Variants in ZFYVE28 observed in about 807,000 individuals in gnomAD.
ZFYVE28 encodes lateral signaling target protein 2 homolog.
A neutral mutation model predicts 82.1 loss-of-function variants in ZFYVE28; 40 were observed. The observed-to-expected ratio is 0.49, with a 90% CI of 0.38 to 0.63. The LOEUF (loss-of-function observed/expected upper bound fraction) is 0.63. Among genes scored for constraint, ZFYVE28 ranks in the 30% least tolerant of loss-of-function variants. ZFYVE28 has a pLI of 0.00. For synonymous variants in ZFYVE28, 612 were observed against 546.1 expected (o/e 1.12, Z -1.68); for missense variants, 1,321 against 1,242.1 (o/e 1.06, Z -0.96).
chr4:2,384,982 G>A (rs1729100999), intron 1 of ZFYVE28, among the ~76,000 whole-genome samples: 2 of 151,972 alleles, frequency 1.3e-5, no homozygotes, highest in African/African-American at 4.8e-5. Context: ...CACCAATCCT[G>A]TACACCCTCA....
intron 8 of ZFYVE28, among the ~76,000 whole-genome samples, chr4:2,302,830 C>T (rs192427789): frequency 9.9e-5 from 15 of 152,238 alleles, no homozygotes; most frequent in Non-Finnish European, 1.3e-4. Context: ...CCCTTACAGA[C>T]GTTACGTCTG....
Position 2,405,260 on chromosome 4 carries a change from G to C in ZFYVE28, c.39+13025C>G, listed in dbSNP as rs1415879026. ...ACTCCAAGCGGCACCGCGAAGGGAA[G>C]ATGGGGTGCACCGCCACCTGCTTTT... On this transcript the variant is annotated intron_variant, in intron 1 of 12. Coordinates refer to ENST00000290974, the MANE Select transcript of ZFYVE28 (RefSeq NM_020972.3). Among the ~76,000 whole-genome samples the C allele has an allele frequency of 2.0e-5, 3 of 152,220 alleles. No homozygotes were observed. The East Asian group carries it at 5.8e-4, about 29-fold the overall frequency.
In ZFYVE28 at chr4:2,335,688, G is replaced by A. The variant is rs574733984; in HGVS notation, c.701+17C>T. ...CCGCAGGTTTCTGCAGAGGTCCTGG[G>A]CACAGGAGGCACTCACCACACGATG... On this transcript the variant is annotated intron_variant, in intron 6 of 12. Transcript: ENST00000290974. The surrounding 1 kb of genome is among the most constrained non-coding windows in gnomAD (Gnocchi z 5.8). 15 of 1,563,188 alleles carry A rather than the reference G, an allele frequency of 9.6e-6. No homozygotes were observed. In the Admixed American group the frequency reaches 1.5e-4, roughly 16 times the overall value.
chr4:2,308,608 G>GAAAGAAAGAAGAC (rs1578016832), intron 7 of ZFYVE28, among the ~76,000 whole-genome samples: 9 of 99,696 alleles, frequency 9.0e-5, no homozygotes, highest in Non-Finnish European at 1.4e-4. Context: ...GACAGAGAGA[G>GAAAGAAAGAAGAC]AGAAAGAAAG....
At chr4:2,296,817 G>C (rs1218735337) in intron 8 of ZFYVE28, among the ~76,000 whole-genome samples, 1 of 152,208 alleles carries the variant, frequency 6.6e-6, no homozygotes, top group Non-Finnish European at 1.5e-5. Flanking sequence ...TTGTCCTGCA[G>C]TGGGTCCACT....
chr4:2,349,991 A>G (rs1345558053), intron 2 of ZFYVE28, among the ~76,000 whole-genome samples: 1 of 151,332 alleles, frequency 6.6e-6, no homozygotes, highest in East Asian at 1.9e-4. Context: ...CTTCTATTCA[A>G]CTTTGTACTG....
At position 2,418,169 on chromosome 4, in the gene ZFYVE28, G is replaced by A. The variant is rs1404997781; in HGVS notation, c.39+116C>T. ...TGGAGGGAAGGATGTCGGCGGTGGG[G>A]GAAGAGGCCGGCCACGGACAGGGAA... is the stretch of plus-strand genomic sequence containing the variant. On this transcript the variant is annotated intron_variant, in intron 1 of 12. Coordinates refer to ENST00000290974, the MANE Select transcript of ZFYVE28 (RefSeq NM_020972.3). This position sits in a 1 kb window ranked among gnomAD's most constrained non-coding sequence, Gnocchi z 4.6. 8.5e-6 allele frequency: 8 copies of A among 938,514 alleles called. No homozygotes were observed. The highest frequency in any genetic ancestry group is 7.0e-5 in the African/African-American group (4 of 57,006). The allele number at this position is 938,514 out of a possible 1,614,324, so 58.1% of individuals were successfully genotyped here.
Position 2,304,890 on chromosome 4 carries a change from A to T in ZFYVE28, c.1450T>A (p.Ser484Thr). 1 of 1,612,648 alleles carries T rather than the reference A, an allele frequency of 6.2e-7. No homozygotes were observed. Among genetic ancestry groups the T allele is most frequent in the South Asian group, 1.1e-5 (1 of 91,062 alleles). ...AGTSSCSCLDSRLHLDGWEVG... is the reference protein window; with the variant it reads ...AGTSSCSCLDTRLHLDGWEVG... The stretch of plus-strand genomic sequence containing the variant: ...TCCCAGCCGTCCAGGTGCAGCCGCG[A>T]GTCCAGGCAGCTGCAGGAGCTGGTG... The change falls in exon 8 of 13, where the codon TCG becomes ACG. Residue 484 changes from serine to threonine, a missense_variant. Ser to Thr is a moderately conservative substitution (Grantham distance 58). Coordinates refer to ENST00000290974, the MANE Select transcript of ZFYVE28 (RefSeq NM_020972.3).
intron 1 of ZFYVE28, among the ~76,000 whole-genome samples, chr4:2,371,421 G>A (rs1215681121): frequency 6.6e-6 from 1 of 152,178 alleles, no homozygotes; most frequent in Non-Finnish European, 1.5e-5. Context: ...CTAAAGGAAC[G>A]CCTGCTCTCA....
In ZFYVE28 at chr4:2,418,140, G is replaced by T; in HGVS notation, c.39+145C>A. On this transcript the variant is annotated intron_variant, in intron 1 of 12. Transcript: ENST00000290974. The surrounding 1 kb of genome is among the most constrained non-coding windows in gnomAD (Gnocchi z 4.6). ...GGCGATGAAGATCTGTCCAAGTCTT[G>T]GAGTGGAGGGAAGGATGTCGGCGGT... The T allele has an allele frequency of 1.6e-6, 1 of 640,406 alleles. No homozygotes were observed. Among genetic ancestry groups the T allele is most frequent in the Non-Finnish European group, 2.4e-6 (1 of 415,462 alleles). The allele number at this position is 640,406 out of a possible 1,614,324, so 39.7% of individuals were successfully genotyped here.
At chr4:2,307,111 T>C (rs965835892) in intron 7 of ZFYVE28, 13 of 152,246 alleles carry the variant, frequency 8.5e-5, no homozygotes, top group African/African-American at 2.9e-4. Flanking sequence ...GAGTGAGTAA[T>C]AGTATCTTAT....
intron 8 of ZFYVE28, among the ~76,000 whole-genome samples, chr4:2,277,396 C>T (rs918564436): frequency 6.6e-6 from 1 of 152,208 alleles, no homozygotes; most frequent in Non-Finnish European, 1.5e-5. Flanking sequence ...AGGAGAATTG[C>T]TTGAACCCGG....
chr4:2,337,257 T>G (rs960646296), intron 5 of ZFYVE28, 150 bp downstream of exon 5: 1 of 595,850 alleles, frequency 1.7e-6, no homozygotes. Context: ...AGAAGCCGGA[T>G]GTAGTGTGGG....
intron 2 of ZFYVE28, among the ~76,000 whole-genome samples, chr4:2,347,665 TACTC>T (rs1302362169): frequency 6.6e-6 from 1 of 152,092 alleles, no homozygotes; most frequent in East Asian, 1.9e-4. Context: ...CACTTTTAAA[TACTC>T]ACGAATCAAA....
At chr4:2,364,490 AG>A (rs1172858296) in intron 1 of ZFYVE28, 2 of 985,318 alleles carry the variant, frequency 2.0e-6, no homozygotes, top group East Asian at 2.3e-4. Context: ...CTTTACCCAG[AG>A]GGTGGCTGTG....
Position 2,320,316 on chromosome 4 carries a change from C to CA in ZFYVE28, c.702-46_702-45insT, listed in dbSNP as rs761571038. 1.3e-6 allele frequency: 2 copies of CA among 1,587,796 alleles called. No homozygotes were observed. The highest frequency in any genetic ancestry group is 1.7e-6 in the Non-Finnish European group (2 of 1,159,442). ...GCCAGGATGTCAGGCCCTGTGGCCC[C>CA]CTGGGTGCCGCGGACGGCCCAACTT... On this transcript the variant is annotated intron_variant, in intron 6 of 12. Transcript: ENST00000290974. This position sits in a 1 kb window ranked among gnomAD's most constrained non-coding sequence, Gnocchi z 5.1.
Position 2,300,893 on chromosome 4 carries a change from C to T in ZFYVE28, c.2051+3396G>A, listed in dbSNP as rs1415264466. On this transcript the variant is annotated intron_variant, in intron 8 of 12. Coordinates refer to ENST00000290974, the MANE Select transcript of ZFYVE28 (RefSeq NM_020972.3). This position sits in a 1 kb window ranked among gnomAD's most constrained non-coding sequence, Gnocchi z 4.6. ...CGAGCGGGTCTCACGGCCAAACAGG[C>T]CCGGGCTCTTCCAGATGCTCTCAGC... Among the ~76,000 whole-genome samples, 1 of 152,204 alleles carries T rather than the reference C, an allele frequency of 6.6e-6. No individual in the cohort carries two copies. Among genetic ancestry groups the T allele is most frequent in the Non-Finnish European group, 1.5e-5 (1 of 68,038 alleles).
intron 7 of ZFYVE28, among the ~76,000 whole-genome samples, chr4:2,309,163 TACC>T (rs1717140968): frequency 6.6e-6 from 1 of 152,212 alleles, no homozygotes; most frequent in African/African-American, 2.4e-5. Flanking sequence ...CCAAATTAGT[TACC>T]ACAAGAGTGG....
chr4:2,386,870 G>A (rs78912700), intron 1 of ZFYVE28, among the ~76,000 whole-genome samples: 3,128 of 152,390 alleles, frequency 0.021, 62 homozygotes, highest in Non-Finnish European at 0.031. Context: ...CCGCCCGCCT[G>A]AGGTGCCAGC....
Sources: allele counts gnomAD v4.1 joint callset (sites outside exome capture counted in the v4.1 genomes callset), GRCh38; gene constraint gnomAD v4.1.1; non-coding constraint Gnocchi (gnomAD v3.1); transcripts MANE v1.5; gene names NCBI Gene and HGNC (gene_info 2026-07-23, HGNC 2026-07-21).